The following RAB27A variants were observed in gnomAD, a reference collection of about 807,000 sequenced individuals.
RAB27A encodes the protein RAB27A, member RAS oncogene family.
In RAB27A, 17 loss-of-function variants were observed where a neutral mutation model predicts 20.8. The observed-to-expected ratio is 0.82, with a 90% CI of 0.56 to 1.23. The LOEUF is 1.23. Among genes scored for constraint, RAB27A ranks in the 50% most tolerant of loss-of-function variants. The pLI, the probability that RAB27A is intolerant of heterozygous loss-of-function variation, is 0.00. For synonymous variants in RAB27A, 85 were observed against 92.8 expected (o/e 0.92, Z 0.48); for missense variants, 277 against 266.7 (o/e 1.04, Z -0.27).
At chr15:55,253,303 C>T (rs1334829563) in intron 2 of RAB27A, among the ~76,000 whole-genome samples, 2 of 150,998 alleles carry the variant, frequency 1.3e-5, no homozygotes, top group Non-Finnish European at 1.5e-5. Flanking sequence ...AAAAATTAGC[C>T]GGGCACGGTG....
chr15:55,303,313 G>C (rs1301541061), intron 2 of RAB27A, among the ~76,000 whole-genome samples: 100 of 102,850 alleles, frequency 9.7e-4, no homozygotes, highest in African/African-American at 4.4e-3. Flanking sequence ...GAGGTGGGGG[G>C]GTCAGCCCTC....
chr15:55,210,130 A>ACACACATACACATAT (rs1566896975), intron 6 of RAB27A, among the ~76,000 whole-genome samples: 165 of 125,724 alleles, frequency 1.3e-3, no homozygotes, highest in African/African-American at 5.7e-3. Flanking sequence ...ATGTATATAT[A>ACACACATACACATAT]GTGTATATAT....
chr15:55,266,430 T>C (rs528748135), intron 2 of RAB27A, among the ~76,000 whole-genome samples: 218 of 152,332 alleles, frequency 1.4e-3, no homozygotes, highest in Non-Finnish European at 2.4e-3. Flanking sequence ...TTGAATTGTG[T>C]TGGTGACAGT....
chr15:55,265,762 G>T (rs1044280843), intron 2 of RAB27A, among the ~76,000 whole-genome samples: 1 of 152,198 alleles, frequency 6.6e-6, no homozygotes, highest in Non-Finnish European at 1.5e-5. Context: ...GGTTACTTAG[G>T]ATGCATTAAA....
intron 1 of RAB27A, among the ~76,000 whole-genome samples, chr15:55,280,464 G>A (rs1897985260): frequency 6.6e-6 from 1 of 150,548 alleles, no homozygotes; most frequent in Non-Finnish European, 1.5e-5. Flanking sequence ...CACCAAAGGA[G>A]AGACTGAAAA....
intron 2 of RAB27A, among the ~76,000 whole-genome samples, chr15:55,312,908 C>G (rs984687776): frequency 6.6e-6 from 1 of 152,066 alleles, no homozygotes; most frequent in Non-Finnish European, 1.5e-5. Flanking sequence ...TGATAATGTG[C>G]CACAATTGAG....
chr15:55,274,899 A>G (rs1897820540), intron 1 of RAB27A, among the ~76,000 whole-genome samples: 1 of 149,868 alleles, frequency 6.7e-6, no homozygotes, highest in African/African-American at 2.4e-5. Flanking sequence ...AAAATTATAA[A>G]TGAAATAAGA....
chr15:55,302,341 G>A lies in RAB27A; in HGVS notation c.-112+11698C>T, dbSNP rs1238619167. On this transcript the variant is annotated intron_variant, in intron 2 of 5. Transcript: ENST00000563262. ...CCCGCCAACCTCGGCCTCCCGAGGT[G>A]CCGGGATTGCAGACGGAGTCTCGTT... Among the ~76,000 whole-genome samples, 5 of 152,116 alleles carry A rather than the reference G, an allele frequency of 3.3e-5. No individual in the cohort carries two copies. In the East Asian group the frequency reaches 7.8e-4, roughly 24 times the overall value.
At chr15:55,290,727 G>A (rs773642678), upstream of RAB27A, among the ~76,000 whole-genome samples, 26 of 152,244 alleles carry the variant, frequency 1.7e-4, no homozygotes, top group Non-Finnish European at 8.8e-5. Context: ...CCACTCAGAG[G>A]CAGCCAAGTT....
At chr15:55,215,607 G>A (rs112070538) in intron 6 of RAB27A, among the ~76,000 whole-genome samples, 2 of 136,150 alleles carry the variant, frequency 1.5e-5, no homozygotes, top group African/African-American at 2.9e-5. Flanking sequence ...AGCCGAGATC[G>A]CGCCACTGCA....
rs563380455 is a variant in RAB27A at position 55,234,589 on chromosome 15, C to T, written c.153+193G>A. Among the ~76,000 whole-genome samples the T allele has an allele frequency of 1.2e-4, 19 of 152,274 alleles. No homozygotes were observed. The South Asian group carries it at 3.7e-3, about 30-fold the overall frequency. On this transcript the variant is annotated intron_variant, in intron 3 of 6. Transcript: ENST00000336787. ...AACTGTCCACTTCCACTTTGTCTGC[C>T]TGGTTTTATATGAAGTGCTGTCAGC...
chr15:55,254,335 A>G (rs1297883835), intron 2 of RAB27A, among the ~76,000 whole-genome samples: 1 of 152,202 alleles, frequency 6.6e-6, no homozygotes, highest in African/African-American at 2.4e-5. Context: ...ATTAAAAATA[A>G]ACCAACACAT....
intron 6 of RAB27A, among the ~76,000 whole-genome samples, chr15:55,214,324 T>C (rs966801680): frequency 6.6e-6 from 1 of 152,170 alleles, no homozygotes; most frequent in Admixed American, 6.5e-5. Context: ...TAGTCCCAGC[T>C]ACTCGGGAGG....
chr15:55,262,500 C>T (rs534957724), intron 2 of RAB27A, among the ~76,000 whole-genome samples: 1 of 149,164 alleles, frequency 6.7e-6, no homozygotes, highest in African/African-American at 2.5e-5. Context: ...CGAGATCACG[C>T]CACTGCACTC....
intron 2 of RAB27A, among the ~76,000 whole-genome samples, chr15:55,255,108 T>C (rs1261109597): frequency 2.0e-5 from 3 of 152,206 alleles, no homozygotes; most frequent in African/African-American, 7.2e-5. Flanking sequence ...TGAGGTCCTA[T>C]TGACTGCACA....
intron 3 of RAB27A, among the ~76,000 whole-genome samples, chr15:55,234,396 G>T (rs1232514343): frequency 1.3e-5 from 2 of 152,122 alleles, no homozygotes; most frequent in Non-Finnish European, 2.9e-5. Flanking sequence ...TTTATTAGGA[G>T]AAATGCCATT....
At chr15:55,291,214 G>T (rs556074292), upstream of RAB27A, among the ~76,000 whole-genome samples, 23 of 152,128 alleles carry the variant, frequency 1.5e-4, no homozygotes, top group Non-Finnish European at 2.9e-4. Context: ...TGTTGGTGAG[G>T]TTAAGAGAGA....
chr15:55,242,927 CT>C (rs759388846), intron 2 of RAB27A, among the ~76,000 whole-genome samples: 7 of 152,188 alleles, frequency 4.6e-5, no homozygotes, highest in African/African-American at 7.2e-5. Context: ...TATTTTTCTT[CT>C]GTCTGTATTC....
chr15:55,294,002 C>A (rs1404182214), upstream of RAB27A, among the ~76,000 whole-genome samples: 4 of 152,026 alleles, frequency 2.6e-5, no homozygotes, highest in Non-Finnish European at 5.9e-5. Flanking sequence ...CCAGATAGAG[C>A]TACAGATTCA....
Sources: allele counts gnomAD v4.1 joint callset (sites outside exome capture counted in the v4.1 genomes callset), GRCh38; gene constraint gnomAD v4.1.1; transcripts MANE v1.5; gene names NCBI Gene and HGNC (gene_info 2026-07-23, HGNC 2026-07-21).